The following NFX1 variants were observed in gnomAD, a reference collection of about 807,000 sequenced individuals.
The protein encoded by NFX1 is nuclear transcription factor, X-box binding 1, also known as transcriptional repressor NF-X1.
In NFX1, 69 loss-of-function variants were observed where a neutral mutation model predicts 137.2. That is an observed-to-expected ratio of 0.50 (90% CI 0.41 to 0.61). NFX1 has a LOEUF of 0.61. Among genes scored for constraint, NFX1 ranks in the 20% least tolerant of loss-of-function variants. NFX1 has a pLI of 0.00. For missense variants in NFX1, 1,167 were observed against 1,391.0 expected (o/e 0.84, Z 2.56); for synonymous variants, 495 against 474.1 (o/e 1.04, Z -0.57).
At chr9:33,320,857 A>T (rs1478618483) in intron 9 of NFX1, among the ~76,000 whole-genome samples, 1 of 152,186 alleles carries the variant, frequency 6.6e-6, no homozygotes, top group Non-Finnish European at 1.5e-5. Flanking sequence ...GAGAGTTCAC[A>T]TTTCTTTCAA....
intron 10 of NFX1, among the ~76,000 whole-genome samples, chr9:33,329,539 C>G (rs1822722874): frequency 6.6e-6 from 1 of 152,122 alleles, no homozygotes; most frequent in Non-Finnish European, 1.5e-5. Context: ...TCTCAGAAGC[C>G]AAGCACAAAG....
intron 19 of NFX1, among the ~76,000 whole-genome samples, chr9:33,362,340 A>G (rs898979247): frequency 2.6e-5 from 4 of 152,176 alleles, no homozygotes; most frequent in South Asian, 4.1e-4. Context: ...ACTATTTACA[A>G]TAGCCAAGAT....
At chr9:33,296,928 T>A (rs1408251223) in intron 2 of NFX1, among the ~76,000 whole-genome samples, 1 of 152,210 alleles carries the variant, frequency 6.6e-6, no homozygotes, top group Non-Finnish European at 1.5e-5. Context: ...ACAGACACTG[T>A]ATATTTCTTT....
rs1238486348 is a variant in NFX1, at chr9:33,294,707, C to T, written c.313C>T (p.Pro105Ser). The change falls in exon 2 of 24, where the codon CCT becomes TCT. Residue 105 changes from proline to serine, a missense_variant. Around this residue, in one of 3 missense-constraint regions of NFX1, gnomAD observed 367 missense variants for 386.7 expected, o/e 0.95. Coordinates refer to ENST00000379540, the MANE Select transcript of NFX1 (RefSeq NM_002504.6). Reference sequence around the variant, plus strand: ...CAAGAGCCATGGCCTTCAGAATCAACCTTGGCAGAAATTGAGGAATGAGAA... The same window carrying T: ...CAAGAGCCATGGCCTTCAGAATCAATCTTGGCAGAAATTGAGGAATGAGAA... ...SPKSHGLQNQ[P>S]WQKLRNEKHH... 8.7e-6 allele frequency: 14 copies of T among 1,614,138 alleles called. No homozygotes were observed. The highest frequency in any genetic ancestry group is 1.2e-5 in the Non-Finnish European group (14 of 1,180,034).
rs145853304 is a variant in NFX1, at chr9:33,315,628, G to A, written c.1588+1835G>A. On this transcript the variant is annotated intron_variant, in intron 7 of 23. Coordinates refer to ENST00000379540, the MANE Select transcript of NFX1 (RefSeq NM_002504.6). ...AAAGTGGCTAGATTGGCCTGGGCAC[G>A]GTAGCTCATGCACTCTGGGAGGCCA... Among the ~76,000 whole-genome samples the A allele has an allele frequency of 3.6e-3, 554 of 151,994 alleles. 3 individuals carry two copies. The highest frequency in any genetic ancestry group is 0.013 in the African/African-American group (526 of 41,428).
chr9:33,369,263 C>T (rs1824259214), intron 23 of NFX1, among the ~76,000 whole-genome samples: 1 of 152,078 alleles, frequency 6.6e-6, no homozygotes, highest in African/African-American at 2.4e-5. Context: ...AACGGGGTTT[C>T]ACCATGTGTT....
intron 15 of NFX1, chr9:33,348,505 G>GA (rs35534651): frequency 0.016 from 2,323 of 147,336 alleles, 59 homozygotes; most frequent in African/African-American, 0.055. Flanking sequence ...TAAGAAAAAA[G>GA]AAAAAAAAAA....
chr9:33,312,332 T>TA (rs1821991316), intron 6 of NFX1, among the ~76,000 whole-genome samples: 1 of 152,226 alleles, frequency 6.6e-6, no homozygotes, highest in Non-Finnish European at 1.5e-5. Context: ...GTAGAAATAA[T>TA]AGTGTCTACT....
chr9:33,306,261 C>T (rs1428402391), intron 4 of NFX1, among the ~76,000 whole-genome samples: 1 of 152,142 alleles, frequency 6.6e-6, no homozygotes, highest in Non-Finnish European at 1.5e-5. Context: ...GTGTGTGACT[C>T]TGACAGAGTT....
chr9:33,296,466 A>T (rs989165266), intron 2 of NFX1, among the ~76,000 whole-genome samples: 7 of 152,186 alleles, frequency 4.6e-5, no homozygotes, highest in African/African-American at 7.2e-5. Flanking sequence ...GGTGGCTCAC[A>T]CCTGTAATTC....
intron 9 of NFX1, among the ~76,000 whole-genome samples, chr9:33,322,671 G>A (rs1477842399): frequency 1.2e-4 from 18 of 152,226 alleles, no homozygotes; most frequent in Non-Finnish European, 2.2e-4. Context: ...AGCCAAGAAG[G>A]CAAGAGGCTA....
chr9:33,351,260 C>T (rs113341276), intron 15 of NFX1, among the ~76,000 whole-genome samples: 9,324 of 152,150 alleles, frequency 0.061, 416 homozygotes, highest in Non-Finnish European at 0.096. Context: ...GAGTTCGAGA[C>T]CAGCCTGGGC....
rs763842299 is a variant in NFX1, at chr9:33,290,526, CAG to C, written c.-46_-45del. The C allele has an allele frequency of 6.8e-6, 11 of 1,609,268 alleles. No individual in the cohort carries two copies. Among genetic ancestry groups the C allele is most frequent in the South Asian group, 1.1e-5 (1 of 90,998 alleles). On this transcript the variant is annotated 5_prime_UTR_variant, in exon 1 of 24. Transcript: ENST00000379540. Reference sequence around the variant, plus strand: ...AAGTCCGGGGCACGTGACCTGGTGACAGTGCTGACTTGGCTGTACAGCTCGAT... The same window carrying C: ...AAGTCCGGGGCACGTGACCTGGTGACTGCTGACTTGGCTGTACAGCTCGAT...
Position 33,295,302 on chromosome 9 carries a change from TCAA to T in NFX1, c.912_914del (p.Asn304del). On this transcript the variant is annotated inframe_deletion, in exon 2 of 24. Coordinates refer to ENST00000379540, the MANE Select transcript of NFX1 (RefSeq NM_002504.6). The stretch of plus-strand genomic sequence containing the variant: ...TGTGACAGTGAGAACTTGGCAGTCA[TCAA>T]CAAGTCTTCCAGGAGGGTTGACCAA... 1 of 1,614,106 alleles carries T rather than the reference TCAA, an allele frequency of 6.2e-7. No individual in the cohort carries two copies. Among genetic ancestry groups the T allele is most frequent in the Non-Finnish European group, 8.5e-7 (1 of 1,180,018 alleles).
At chr9:33,312,099 A>T (rs1821983336) in intron 6 of NFX1, among the ~76,000 whole-genome samples, 1 of 152,172 alleles carries the variant, frequency 6.6e-6, no homozygotes, top group South Asian at 2.1e-4. Context: ...GAGGCCCAGT[A>T]AGATCTTAAA....
chr9:33,307,794 C>CTTTTTTTT (rs139468485), intron 5 of NFX1, among the ~76,000 whole-genome samples: 2 of 85,344 alleles, frequency 2.3e-5, no homozygotes, highest in African/African-American at 8.7e-5. Flanking sequence ...TTCTTTCTTT[C>CTTTTTTTT]TTTTTTTTTT....
chr9:33,322,201 G>GA (rs36109934), intron 9 of NFX1, among the ~76,000 whole-genome samples: 213 of 100,934 alleles, frequency 2.1e-3, no homozygotes, highest in Middle Eastern at 6.2e-3. Flanking sequence ...ACTCCATCTC[G>GA]AAAAAAAAAA....
rs1288475446 is a variant in NFX1 at position 33,328,660 on chromosome 9, A to G, written c.1986A>G (p.Arg662=). Residue 662 remains arginine, a synonymous_variant, in exon 10 of 24, where the codon AGA becomes AGG. Transcript: ENST00000379540. ...CTCGCACATCAGTTATTTCCTGCAG[A>G]TGCTCTTTCAGAACAAAGGTAAATC... is the stretch of plus-strand genomic sequence containing the variant. ...PCSRTSVISC[R]CSFRTKELPC... is the part of the protein sequence containing the mutation. 1.2e-6 allele frequency: 2 copies of G among 1,611,452 alleles called. No individual in the cohort carries two copies. Among genetic ancestry groups the G allele is most frequent in the Non-Finnish European group, 1.7e-6 (2 of 1,177,754 alleles).
chr9:33,333,456 C>G (rs559119675), intron 11 of NFX1, among the ~76,000 whole-genome samples: 1 of 152,120 alleles, frequency 6.6e-6, no homozygotes, highest in Non-Finnish European at 1.5e-5. Context: ...ATTTTCTCCT[C>G]GTGGGTATGT....
Sources: allele counts gnomAD v4.1 joint callset (sites outside exome capture counted in the v4.1 genomes callset), GRCh38; gene constraint gnomAD v4.1.1; regional missense constraint gnomAD v4.1.1; transcripts MANE v1.5; gene names NCBI Gene and HGNC (gene_info 2026-07-23, HGNC 2026-07-21).